AGAP1: variants seen among roughly 807,000 people sequenced by gnomAD.
AGAP1 encodes the protein ArfGAP with GTPase domain, ankyrin repeat and PH domain 1, also known as arf-GAP with GTPase, ANK repeat and PH domain-containing protein 1.
AGAP1 carries 29 observed loss-of-function variants against 105.3 expected under a neutral mutation model. The ratio of observed to expected loss-of-function variants is 0.28; its 90% confidence interval spans 0.21 to 0.38. The LOEUF is 0.38. AGAP1 is among the 10% of genes least tolerant of loss of function. The pLI is 1.00. For missense variants in AGAP1, 998 were observed against 1,165.1 expected, an observed-to-expected ratio of 0.86 and a Z score of 2.09; for synonymous variants, 509 against 485.9, an observed-to-expected ratio of 1.05 and a Z score of -0.63.
chr2:235,765,842 G>A (rs564007491), intron 6 of AGAP1, among the ~76,000 whole-genome samples: 1 of 152,294 alleles, frequency 6.6e-6, no homozygotes, highest in East Asian at 1.9e-4. Flanking sequence ...ATACTCCCAT[G>A]CCCGCACCAA....
rs1236257426 is a variant in AGAP1, at chr2:235,866,072, C to T, written c.1051-17273C>T. Reference sequence around the variant, plus strand: ...CTTGATTTTTTTCTGCTAAACCCTACGTCTTGCAGTATATGGGTCACTCAT... The same window carrying T: ...CTTGATTTTTTTCTGCTAAACCCTATGTCTTGCAGTATATGGGTCACTCAT... On this transcript the variant is annotated intron_variant, in intron 9 of 17. Coordinates refer to ENST00000304032, the MANE Select transcript of AGAP1 (RefSeq NM_001037131.3). The surrounding 1 kb of genome is among the most constrained non-coding windows in gnomAD (Gnocchi z 6.1). Among the ~76,000 whole-genome samples, 2 of 152,176 alleles carry T rather than the reference C, an allele frequency of 1.3e-5. No homozygotes were observed. Among genetic ancestry groups the T allele is most frequent in the Non-Finnish European group, 2.9e-5 (2 of 68,036 alleles).
In AGAP1 at chr2:236,014,106, G is replaced by A. The variant is rs745394545; in HGVS notation, c.1646-22455G>A. ...CTTCCGAACCCAGCGTCCCACTGTC[G>A]GTGACTTGGCGTTTTGTCCTTTCTC... On this transcript the variant is annotated intron_variant, in intron 13 of 17. Coordinates refer to ENST00000304032, the MANE Select transcript of AGAP1 (RefSeq NM_001037131.3). The surrounding 1 kb of genome is among the most constrained non-coding windows in gnomAD (Gnocchi z 6.3). Among the ~76,000 whole-genome samples, 7 of 152,068 alleles carry A rather than the reference G, an allele frequency of 4.6e-5. No homozygotes were observed. The highest frequency in any genetic ancestry group is 2.1e-4 in the South Asian group (1 of 4,828).
In AGAP1 at chr2:236,050,125, T is replaced by C. The variant is rs2125712538; in HGVS notation, c.2114+844T>C. ...GAGAGGAGAGGTCTCCCATCACTGG[T>C]ACTTTTTAGGTTCCTCTGATTTGTT... is the stretch of plus-strand genomic sequence containing the variant. On this transcript the variant is annotated intron_variant, in intron 16 of 17. Coordinates refer to ENST00000304032, the MANE Select transcript of AGAP1 (RefSeq NM_001037131.3). This position sits in a 1 kb window ranked among gnomAD's most constrained non-coding sequence, Gnocchi z 4.0. 6.6e-6 allele frequency among the ~76,000 whole-genome samples: 1 copy of C among 152,268 alleles called. No individual in the cohort carries two copies. Among genetic ancestry groups the C allele is most frequent in the East Asian group, 1.9e-4 (1 of 5,206 alleles).
rs1373785153 is a variant in AGAP1, at chr2:235,872,958, T to TC, written c.1051-10383dup. Among the ~76,000 whole-genome samples, 7 of 152,052 alleles carry TC rather than the reference T, an allele frequency of 4.6e-5. No homozygotes were observed. The highest frequency in any genetic ancestry group is 8.8e-5 in the Non-Finnish European group (6 of 68,010). On this transcript the variant is annotated intron_variant, in intron 9 of 17. Coordinates refer to ENST00000304032, the MANE Select transcript of AGAP1 (RefSeq NM_001037131.3). This position sits in a 1 kb window ranked among gnomAD's most constrained non-coding sequence, Gnocchi z 4.5. ...GTGGTGGCTCCACGGTCCCTGAAAG[T>TC]CCCCACTGGCTCAGTGCAGCTCTGG...
chr2:235,956,931 G>A lies in AGAP1; in HGVS notation c.1484-11531G>A, dbSNP rs572263185. Among the ~76,000 whole-genome samples the A allele has an allele frequency of 6.6e-5, 10 of 152,358 alleles. No individual in the cohort carries two copies. In the South Asian group the frequency reaches 8.3e-4, roughly 13 times the overall value. On this transcript the variant is annotated intron_variant, in intron 12 of 17. Transcript: ENST00000304032. ...CGTCTCACTAGACCGTATAGTGGAC[G>A]TTTTAAAATCTTCCTTATTTAATTG...
In AGAP1 at chr2:236,101,715, A is replaced by G. The variant is rs536656557; in HGVS notation, c.2115-18477A>G. Among the ~76,000 whole-genome samples, 30 of 152,302 alleles carry G rather than the reference A, an allele frequency of 2.0e-4. No homozygotes were observed. The South Asian group carries it at 5.6e-3, about 28-fold the overall frequency. ...CATCAGCCGCTGTTATGGTGAACGG[A>G]ATTCACTGTGATGGCGGCTGCACCA... is the stretch of plus-strand genomic sequence containing the variant. On this transcript the variant is annotated intron_variant, in intron 16 of 17. Coordinates refer to ENST00000304032, the MANE Select transcript of AGAP1 (RefSeq NM_001037131.3). The surrounding 1 kb of genome is among the most constrained non-coding windows in gnomAD (Gnocchi z 4.9).
At chr2:235,670,699 C>T (rs1252351579) in intron 1 of AGAP1, 13 of 739,516 alleles carry the variant, frequency 1.8e-5, no homozygotes, top group Non-Finnish European at 2.5e-5. Flanking sequence ...CCGCGACCGC[C>T]ACGCAGCCCG....
Position 235,602,765 on chromosome 2 carries a change from G to A in AGAP1, c.164-106414G>A, listed in dbSNP as rs143510516. ...CACCCAGGCTGGAGTGCAGTGGTGC[G>A]ATCTTGGCTCACTGCAACCTCCGCC... On this transcript the variant is annotated intron_variant, in intron 1 of 17. Coordinates refer to ENST00000304032, the MANE Select transcript of AGAP1 (RefSeq NM_001037131.3). Among the ~76,000 whole-genome samples, 1,348 of 152,184 alleles carry A rather than the reference G, an allele frequency of 8.9e-3. 23 individuals are homozygous for A. The highest frequency in any genetic ancestry group is 0.031 in the African/African-American group (1,301 of 41,506).
chr2:235,909,114 CACAGCTGCA>C (rs2051451310), intron 11 of AGAP1, among the ~76,000 whole-genome samples: 1 of 152,162 alleles, frequency 6.6e-6, no homozygotes, highest in Non-Finnish European at 1.5e-5. Context: ...TGCTTTGAGT[CACAGCTGCA>C]AAAACCATGC....
rs932445198 is a variant in AGAP1 at position 235,867,590 on chromosome 2, T to G, written c.1051-15755T>G. Among the ~76,000 whole-genome samples the G allele has an allele frequency of 9.4e-5, 13 of 137,668 alleles. No homozygotes were observed. The highest frequency in any genetic ancestry group is 6.7e-4 in the Admixed American group (9 of 13,372). 90.3% of individuals were successfully genotyped at this position (137,668 alleles called of 152,430 possible). A position where few individuals can be genotyped will look rare whatever the true frequency, so the allele number is the denominator to read the frequency against. ...GTGTGTGTGTGCAAGTGAGGGAGGG[T>G]GACCCCCACACCAAGCACACAGGGC... On this transcript the variant is annotated intron_variant, in intron 9 of 17. Coordinates refer to ENST00000304032, the MANE Select transcript of AGAP1 (RefSeq NM_001037131.3). The surrounding 1 kb of genome is among the most constrained non-coding windows in gnomAD (Gnocchi z 5.4).
In AGAP1 at chr2:236,078,477, A is replaced by G. The variant is rs1651746194; in HGVS notation, c.2114+29196A>G. 6.6e-6 allele frequency among the ~76,000 whole-genome samples: 1 copy of G among 152,194 alleles called. No individual in the cohort carries two copies. Among genetic ancestry groups the G allele is most frequent in the Admixed American group, 6.5e-5 (1 of 15,270 alleles). On this transcript the variant is annotated intron_variant, in intron 16 of 17. Transcript: ENST00000304032. This position sits in a 1 kb window ranked among gnomAD's most constrained non-coding sequence, Gnocchi z 5.3. ...GCCAGGTTGACATGTGAAACTGATC[A>G]TGAGTCATCCTGCTATGACTTTAAT...
In AGAP1 at chr2:236,035,692, G is replaced by A. The variant is rs1055193743; in HGVS notation, c.1646-869G>A. On this transcript the variant is annotated intron_variant, in intron 13 of 17. Coordinates refer to ENST00000304032, the MANE Select transcript of AGAP1 (RefSeq NM_001037131.3). This position sits in a 1 kb window ranked among gnomAD's most constrained non-coding sequence, Gnocchi z 4.2. The stretch of plus-strand genomic sequence containing the variant: ...GCCAGTGGTGCCTCCTCCTTTGGCG[G>A]GGACTTGGGGGCCGGGAGTAGGGAC... 2.0e-5 allele frequency among the ~76,000 whole-genome samples: 3 copies of A among 152,282 alleles called. No individual in the cohort carries two copies. Among genetic ancestry groups the A allele is most frequent in the Non-Finnish European group, 2.9e-5 (2 of 68,028 alleles).
At chr2:235,563,761 G>A (rs888921060) in intron 1 of AGAP1, among the ~76,000 whole-genome samples, 33 of 152,168 alleles carry the variant, frequency 2.2e-4, no homozygotes, top group African/African-American at 4.1e-4. Flanking sequence ...GGAAGCTAGC[G>A]TTTCTTGAGG....
Position 236,041,042 on chromosome 2 carries a change from G to A in AGAP1, c.1891+201G>A, listed in dbSNP as rs74646731. Reference sequence around the variant, plus strand: ...CAAGCCTCACCCCTGGCTGCAGGGTGCGTTTCTGTGAGTCTTTCCTTGCCT... The same window carrying A: ...CAAGCCTCACCCCTGGCTGCAGGGTACGTTTCTGTGAGTCTTTCCTTGCCT... On this transcript the variant is annotated intron_variant, in intron 15 of 17. Coordinates refer to ENST00000304032, the MANE Select transcript of AGAP1 (RefSeq NM_001037131.3). 5.4e-3 allele frequency among the ~76,000 whole-genome samples: 823 copies of A among 152,292 alleles called. 3 individuals carry two copies. The highest frequency in any genetic ancestry group is 0.019 in the African/African-American group (796 of 41,542).
At chr2:235,890,942 C>CAAAAAA (rs199864293) in intron 10 of AGAP1, among the ~76,000 whole-genome samples, 5 of 117,668 alleles carry the variant, frequency 4.2e-5, no homozygotes, top group African/African-American at 1.3e-4. Context: ...AACTGAGGCT[C>CAAAAAA]AAAAAAAAAA....
intron 13 of AGAP1, among the ~76,000 whole-genome samples, chr2:236,021,487 G>A (rs2125601213): frequency 6.6e-6 from 1 of 152,286 alleles, no homozygotes; most frequent in South Asian, 2.1e-4. Flanking sequence ...CTATAATTAG[G>A]AGTCCGAGGG....
At chr2:236,065,767 G>T (rs532991366) in intron 16 of AGAP1, among the ~76,000 whole-genome samples, 1 of 152,364 alleles carries the variant, frequency 6.6e-6, no homozygotes, top group Non-Finnish European at 1.5e-5. Flanking sequence ...GTGGCACCCA[G>T]TTGGGCTTCA....
Position 236,092,020 on chromosome 2 carries a change from A to G in AGAP1, c.2115-28172A>G, listed in dbSNP as rs2059072959. ...CATTGAGTGAAAAAAAGCCTGTCCC[A>G]AAAGATTACGTGCTGTAGGATTCCA... is the stretch of plus-strand genomic sequence containing the variant. On this transcript the variant is annotated intron_variant, in intron 16 of 17. Transcript: ENST00000304032. The surrounding 1 kb of genome is among the most constrained non-coding windows in gnomAD (Gnocchi z 4.7). Among the ~76,000 whole-genome samples, 1 of 152,260 alleles carries G rather than the reference A, an allele frequency of 6.6e-6. No homozygotes were observed. Among genetic ancestry groups the G allele is most frequent in the Non-Finnish European group, 1.5e-5 (1 of 68,044 alleles).
chr2:235,709,290 A>C, intron 2 of AGAP1, 53 bp downstream of exon 2: 2 of 1,582,244 alleles, frequency 1.3e-6, no homozygotes, highest in Non-Finnish European at 8.7e-7. Flanking sequence ...GGCTCTGTGC[A>C]CACCCAAGCC....
Sources: gnomAD v4.1 joint callset for allele counts (sites outside exome capture counted in the v4.1 genomes callset) on GRCh38, gnomAD v4.1.1 for gene constraint, Gnocchi (gnomAD v3.1) non-coding constraint, MANE v1.5 for transcripts, NCBI Gene and HGNC (gene_info 2026-07-23, HGNC 2026-07-21) for gene names.